Variants in SLC25A32 observed in about 807,000 individuals in gnomAD.
The protein encoded by SLC25A32 is solute carrier family 25 member 32, also known as Glycine auxotroph B, complementation of hamster.
SLC25A32 carries 32 observed loss-of-function variants against 39.0 expected under a neutral mutation model. The ratio of observed to expected loss-of-function variants is 0.82; its 90% CI spans 0.62 to 1.10. The LOEUF is 1.10. Among genes scored for constraint, SLC25A32 ranks in the 50% least tolerant of loss-of-function variants. The probability of loss-of-function intolerance (pLI) is 0.00; values close to 1 mark genes in which losing one functional copy is unlikely to be tolerated. For missense variants in SLC25A32, 367 were observed against 395.3 expected, an observed-to-expected ratio of 0.93 and a Z score of 0.61; for synonymous variants, 166 against 152.4, an observed-to-expected ratio of 1.09 and a Z score of -0.66.
intron 1 of SLC25A32, 64 bp downstream of exon 1, chr8:103,414,720 C>G: frequency 6.2e-7 from 1 of 1,601,316 alleles, no homozygotes; most frequent in South Asian, 1.1e-5. Flanking sequence ...ACGGAAAAGA[C>G]GGAGGAGATC....
rs1289137978 is a variant in SLC25A32 at position 103,401,614 on chromosome 8, A to G, written c.714T>C (p.Ala238=). The G allele has an allele frequency of 4.3e-5, 70 of 1,613,572 alleles. No individual in the cohort carries two copies. The highest frequency in any genetic ancestry group is 5.8e-5 in the Non-Finnish European group (69 of 1,179,780). ...ISVAALSKIF[A]VAATYPYQVV... ...CTTGATATGGGTATGTTGCTGCGAC[A>G]GCAAATATTTTGGATAGTGCTGCAA... Residue 238 remains alanine, a synonymous_variant, in exon 6 of 7, where the codon GCT becomes GCC. Coordinates refer to ENST00000297578, the MANE Select transcript of SLC25A32 (RefSeq NM_030780.5).
chr8:103,402,216 T>A (rs1363217909), intron 4 of SLC25A32, 162 bp from the exon 5 acceptor site: 41 of 533,774 alleles, frequency 7.7e-5, no homozygotes, highest in Non-Finnish European at 9.9e-6. Flanking sequence ...ACTTGTAATA[T>A]AAAGACATGG....
Position 103,400,483 on chromosome 8 carries a change from G to C in SLC25A32, c.876C>G (p.Ala292=), listed in dbSNP as rs888500544. 1 of 1,614,044 alleles carries C rather than the reference G, an allele frequency of 6.2e-7. No individual in the cohort carries two copies. Among genetic ancestry groups the C allele is most frequent in the African/African-American group, 1.3e-5 (1 of 75,046 alleles). Residue 292 remains alanine (A), a synonymous_variant, in exon 7 of 7, where the codon GCC becomes GCG. Transcript: ENST00000297578. ...IAPNLIRVTP[A]CCITFVVYEN... ...CATATACCACAAAGGTAATACAGCA[G>C]GCTGGAGTCACTCTAATCAAATTAG... is the stretch of plus-strand genomic sequence containing the variant.
rs1350788092 is a variant in SLC25A32 at position 103,400,388 on chromosome 8, T to G, written c.*23A>C. Reference sequence around the variant, plus strand: ...AGCTTGTTGCTGCCTTGGGCAGATATACTGGAATTGTCCTCTTTGAGCTTA... The same window carrying G: ...AGCTTGTTGCTGCCTTGGGCAGATAGACTGGAATTGTCCTCTTTGAGCTTA... On this transcript the variant is annotated 3_prime_UTR_variant, in exon 7 of 7. Coordinates refer to ENST00000297578, the MANE Select transcript of SLC25A32 (RefSeq NM_030780.5). The G allele has an allele frequency of 1.2e-6, 2 of 1,613,738 alleles. No homozygotes were observed. The highest frequency in any genetic ancestry group is 4.5e-5 in the East Asian group (2 of 44,882).
rs1471011522 is a variant in SLC25A32 at position 103,400,378 on chromosome 8, T to G, written c.*33A>C. On this transcript the variant is annotated 3_prime_UTR_variant, in exon 7 of 7. Coordinates refer to ENST00000297578, the MANE Select transcript of SLC25A32 (RefSeq NM_030780.5). ...AACACAAAAGAGCTTGTTGCTGCCT[T>G]GGGCAGATATACTGGAATTGTCCTC... The G allele has an allele frequency of 6.2e-7, 1 of 1,612,554 alleles. No homozygotes were observed. The highest frequency in any genetic ancestry group is 8.5e-7 in the Non-Finnish European group (1 of 1,179,376).
At chr8:103,406,586 G>T (rs1816337855) in intron 2 of SLC25A32, among the ~76,000 whole-genome samples, 1 of 152,234 alleles carries the variant, frequency 6.6e-6, no homozygotes, top group Non-Finnish European at 1.5e-5. Context: ...TTTAAATGGT[G>T]ATGATATCTG....
intron 2 of SLC25A32, among the ~76,000 whole-genome samples, chr8:103,405,644 A>T (rs1378486661): frequency 2.0e-5 from 3 of 152,040 alleles, no homozygotes; most frequent in Non-Finnish European, 4.4e-5. Context: ...TGACGATGTC[A>T]AGTGAACACA....
intron 1 of SLC25A32, among the ~76,000 whole-genome samples, chr8:103,413,251 C>T (rs141568647): frequency 2.0e-5 from 3 of 152,356 alleles, no homozygotes; most frequent in African/African-American, 7.2e-5. Context: ...CCTCGACTAT[C>T]ACCTCTTCTG....
Position 103,404,759 on chromosome 8 carries a change from T to C in SLC25A32, c.391+17A>G. Reference sequence around the variant, plus strand: ...AGTTTGGAAGGTGACATTTTTATATTTCACACATTGCCTTACCAGCTTCAG... The same window carrying C: ...AGTTTGGAAGGTGACATTTTTATATCTCACACATTGCCTTACCAGCTTCAG... On this transcript the variant is annotated intron_variant, in intron 3 of 6. Coordinates refer to ENST00000297578, the MANE Select transcript of SLC25A32 (RefSeq NM_030780.5). 1 of 1,582,432 alleles carries C rather than the reference T, an allele frequency of 6.3e-7. No homozygotes were observed. Among genetic ancestry groups the C allele is most frequent in the Non-Finnish European group, 8.6e-7 (1 of 1,158,192 alleles).
At chr8:103,413,468 C>G (rs949228666) in intron 1 of SLC25A32, among the ~76,000 whole-genome samples, 1 of 152,146 alleles carries the variant, frequency 6.6e-6, no homozygotes, top group African/African-American at 2.4e-5. Flanking sequence ...GTGACTTGGG[C>G]AAGTTAGTCA....
intron 6 of SLC25A32, 110 bp from the exon 7 acceptor site, chr8:103,400,656 G>T: frequency 9.1e-7 from 1 of 1,104,870 alleles, no homozygotes; most frequent in Non-Finnish European, 1.3e-6. Context: ...ACCTTACTCT[G>T]ATTTAAGTTC....
At chr8:103,408,037 G>A (rs962833583) in intron 1 of SLC25A32, among the ~76,000 whole-genome samples, 1 of 150,258 alleles carries the variant, frequency 6.7e-6, no homozygotes, top group Non-Finnish European at 1.5e-5. Flanking sequence ...GAGTGCAGTG[G>A]CACGATCTTG....
Position 103,414,988 on chromosome 8 carries a change from G to A in SLC25A32, c.-51C>T, listed in dbSNP as rs1173843052. 33 of 1,581,174 alleles carry A rather than the reference G, an allele frequency of 2.1e-5. No homozygotes were observed. Among genetic ancestry groups the A allele is most frequent in the Non-Finnish European group, 2.5e-5 (29 of 1,163,380 alleles). The stretch of plus-strand genomic sequence containing the variant: ...GCGCCCAGGGCCGCGGAGGTGGGAC[G>A]CGATGCAGTGGCCGCCACCGTGGCG... On this transcript the variant is annotated 5_prime_UTR_variant, in exon 1 of 7. Transcript: ENST00000297578.
chr8:103,408,911 T>C (rs1816399027), intron 1 of SLC25A32, among the ~76,000 whole-genome samples: 1 of 152,220 alleles, frequency 6.6e-6, no homozygotes, highest in Non-Finnish European at 1.5e-5. Flanking sequence ...TGAGATACCA[T>C]CAGTTTTCAA....
chr8:103,406,186 A>G (rs1452529457), intron 2 of SLC25A32, among the ~76,000 whole-genome samples: 2 of 151,714 alleles, frequency 1.3e-5, no homozygotes, highest in Non-Finnish European at 2.9e-5. Context: ...TTTCACACAC[A>G]CCTCTCTAAA....
chr8:103,400,692 T>C (rs555656396), intron 6 of SLC25A32, 146 bp from the exon 7 acceptor site: 6 of 820,272 alleles, frequency 7.3e-6, no homozygotes, highest in Admixed American at 5.1e-5. Flanking sequence ...TAAAGTAATG[T>C]AGTTTATAAG....
chr8:103,407,574 T>G (rs1173977659), intron 2 of SLC25A32, 60 bp downstream of exon 2: 1 of 1,331,904 alleles, frequency 7.5e-7, no homozygotes, highest in Non-Finnish European at 1.0e-6. Context: ...CATGTAAAAA[T>G]CACCGAAAAC....
At position 103,404,767 on chromosome 8, in the gene SLC25A32, T is replaced by C. The variant is rs755527820; in HGVS notation, c.391+9A>G. On this transcript the variant is annotated intron_variant, in intron 3 of 6. Coordinates refer to ENST00000297578, the MANE Select transcript of SLC25A32 (RefSeq NM_030780.5). ...AGGTGACATTTTTATATTTCACACATTGCCTTACCAGCTTCAGCAGCTGAG... is the reference window on the plus strand; with the variant it reads ...AGGTGACATTTTTATATTTCACACACTGCCTTACCAGCTTCAGCAGCTGAG... 1.6e-5 allele frequency: 26 copies of C among 1,599,404 alleles called. No individual in the cohort carries two copies. In the African/African-American group the frequency reaches 2.7e-4, roughly 17 times the overall value.
At chr8:103,406,061 G>A (rs533873909) in intron 2 of SLC25A32, among the ~76,000 whole-genome samples, 59 of 130,196 alleles carry the variant, frequency 4.5e-4, no homozygotes, top group Admixed American at 6.8e-4. Context: ...GTGTGTGTGT[G>A]TGTGTATATA....
Sources: allele counts gnomAD v4.1 joint callset (sites outside exome capture counted in the v4.1 genomes callset), GRCh38; gene constraint gnomAD v4.1.1; transcripts MANE v1.5; gene names NCBI Gene and HGNC (gene_info 2026-07-23, HGNC 2026-07-21).